The following SPON1 variants were observed in gnomAD, a reference collection of about 807,000 sequenced individuals.
SPON1 encodes the protein spondin-1.
A neutral mutation model predicts 111.7 loss-of-function variants in SPON1; 52 were observed. The ratio of observed to expected loss-of-function variants is 0.47; its 90% CI spans 0.37 to 0.59. The LOEUF is 0.59. Ranked by LOEUF, SPON1 falls within the 20% of genes least tolerant of loss-of-function variation. The probability of loss-of-function intolerance (pLI) is 0.00; values close to 1 mark genes in which losing one functional copy is unlikely to be tolerated. For missense variants in SPON1, 957 were observed against 1,068.5 expected, an observed-to-expected ratio of 0.90 and a Z score of 1.46; for synonymous variants, 410 against 395.8, an observed-to-expected ratio of 1.04 and a Z score of -0.43.
At chr11:14,258,490 C>T (rs1215268061) in intron 11 of SPON1, among the ~76,000 whole-genome samples, 1 of 152,260 alleles carries the variant, frequency 6.6e-6, no homozygotes, top group Non-Finnish European at 1.5e-5. Context: ...CTATCTGCTT[C>T]CCAAGCCATG....
intron 2 of SPON1, among the ~76,000 whole-genome samples, chr11:14,004,594 A>G (rs1168440400): frequency 2.0e-5 from 3 of 152,194 alleles, no homozygotes; most frequent in South Asian, 2.1e-4. Flanking sequence ...ATGATGTTGA[A>G]CACCTTTTCA....
At chr11:14,051,456 A>G (rs977668380) in intron 3 of SPON1, among the ~76,000 whole-genome samples, 1 of 152,036 alleles carries the variant, frequency 6.6e-6, no homozygotes, top group Admixed American at 6.6e-5. Flanking sequence ...GGATTGCTGG[A>G]GCCCAGGAGA....
intron 6 of SPON1, among the ~76,000 whole-genome samples, chr11:14,160,898 TA>T (rs1847932737): frequency 1.8e-5 from 1 of 54,648 alleles, no homozygotes; most frequent in Non-Finnish European, 3.0e-5. Context: ...TATATATATT[TA>T]TATATTTATA....
At chr11:14,148,875 G>A (rs1264964016) in intron 6 of SPON1, among the ~76,000 whole-genome samples, 1 of 152,182 alleles carries the variant, frequency 6.6e-6, no homozygotes, top group African/African-American at 2.4e-5. Flanking sequence ...AAAAAAAGAT[G>A]TGTGCACCTA....
At chr11:14,051,159 A>G (rs1416527272) in intron 3 of SPON1, among the ~76,000 whole-genome samples, 8 of 152,136 alleles carry the variant, frequency 5.3e-5, no homozygotes, top group Admixed American at 3.9e-4. Context: ...CCCCATCGTG[A>G]TGGTATTTGG....
chr11:13,963,644 G>T (rs1847992784), intron 1 of SPON1, among the ~76,000 whole-genome samples: 1 of 152,186 alleles, frequency 6.6e-6, no homozygotes, highest in Non-Finnish European at 1.5e-5. Flanking sequence ...GGCTTCCCTG[G>T]ATAGGTCCCT....
At chr11:14,137,654 C>T (rs1401618008) in intron 6 of SPON1, among the ~76,000 whole-genome samples, 1 of 152,158 alleles carries the variant, frequency 6.6e-6, no homozygotes, top group Non-Finnish European at 1.5e-5. Context: ...ATAATCTGCT[C>T]CGTGTAAACC....
chr11:14,226,753 G>A (rs1848744027), intron 6 of SPON1, among the ~76,000 whole-genome samples: 1 of 152,138 alleles, frequency 6.6e-6, no homozygotes, highest in Non-Finnish European at 1.5e-5. Flanking sequence ...GTGCCTTGGG[G>A]TAACACAAAT....
At chr11:14,026,918 GTCATC>G (rs1554915390) in intron 2 of SPON1, among the ~76,000 whole-genome samples, 3 of 152,188 alleles carry the variant, frequency 2.0e-5, no homozygotes, top group Admixed American at 6.5e-5. Flanking sequence ...AACAAAGGCT[GTCATC>G]TCATCCAGGC....
intron 6 of SPON1, among the ~76,000 whole-genome samples, chr11:14,170,719 G>A (rs1359130421): frequency 1.3e-5 from 2 of 152,098 alleles, no homozygotes; most frequent in Non-Finnish European, 2.9e-5. Context: ...GTTGAATTTT[G>A]TCAAAGGCCT....
chr11:14,199,232 C>G (rs1431379031), intron 6 of SPON1, among the ~76,000 whole-genome samples: 1 of 152,148 alleles, frequency 6.6e-6, no homozygotes, highest in Non-Finnish European at 1.5e-5. Context: ...TGTAAGGGCA[C>G]TAGCTTTCAA....
rs1333343096 is a variant in SPON1, at chr11:14,160,739, A to ATATATATTTATATATTTATATAT, written c.825+25171_825+25172insTATATATTTATATATTTATATAT. On this transcript the variant is annotated intron_variant, in intron 6 of 15. Transcript: ENST00000576479. ...TATATTTATATATTTATATATATTT[A>ATATATATTTATATATTTATATAT]ATTTATATATATTTATATATATTTA... 9.9e-3 allele frequency among the ~76,000 whole-genome samples: 250 copies of ATATATATTTATATATTTATATAT among 25,260 alleles called. 71 individuals carry two copies. The highest frequency in any genetic ancestry group is 0.032 in the African/African-American group (236 of 7,382). 16.6% of individuals were successfully genotyped at this position (25,260 alleles called of 152,430 possible).
At chr11:14,168,201 CA>C (rs1313282604) in intron 6 of SPON1, among the ~76,000 whole-genome samples, 3 of 152,114 alleles carry the variant, frequency 2.0e-5, no homozygotes, top group African/African-American at 7.2e-5. Context: ...GAACAATTTT[CA>C]AAAGTCAAAC....
intron 2 of SPON1, among the ~76,000 whole-genome samples, chr11:14,019,648 A>C (rs1416153553): frequency 1.3e-5 from 2 of 152,076 alleles, no homozygotes; most frequent in Non-Finnish European, 2.9e-5. Context: ...GGGTTCTTTT[A>C]TTGTTTAGCA....
intron 3 of SPON1, among the ~76,000 whole-genome samples, chr11:14,066,892 C>G (rs551063287): frequency 1.3e-5 from 2 of 152,244 alleles, no homozygotes; most frequent in Admixed American, 6.5e-5. Flanking sequence ...CAAAAACCGT[C>G]AGTGTGGGAG....
intron 7 of SPON1, among the ~76,000 whole-genome samples, chr11:14,250,485 T>C (rs1471761875): frequency 6.6e-6 from 1 of 152,026 alleles, no homozygotes; most frequent in Non-Finnish European, 1.5e-5. Context: ...TTGAAAAGCC[T>C]ATTTTGTATA....
At chr11:14,020,597 A>C (rs1848473777) in intron 2 of SPON1, among the ~76,000 whole-genome samples, 1 of 152,230 alleles carries the variant, frequency 6.6e-6, no homozygotes, top group Non-Finnish European at 1.5e-5. Flanking sequence ...AGACAAGTGG[A>C]GGCTGATGTA....
chr11:14,066,019 G>C (rs1848829944), intron 3 of SPON1, among the ~76,000 whole-genome samples: 1 of 152,146 alleles, frequency 6.6e-6, no homozygotes, highest in South Asian at 2.1e-4. Flanking sequence ...AATAGCAAGT[G>C]AACTGTAAGA....
At chr11:14,172,231 C>T (rs537953584) in intron 6 of SPON1, among the ~76,000 whole-genome samples, 2 of 152,018 alleles carry the variant, frequency 1.3e-5, no homozygotes, top group Admixed American at 1.3e-4. Context: ...GAATTGATCC[C>T]TTTACTATTA....
Sources: gnomAD v4.1 joint callset for allele counts (sites outside exome capture counted in the v4.1 genomes callset) on GRCh38, gnomAD v4.1.1 for gene constraint, MANE v1.5 for transcripts, NCBI Gene and HGNC (gene_info 2026-07-23, HGNC 2026-07-21) for gene names.